EIF3E: variants seen among roughly 807,000 people sequenced by gnomAD.
The protein encoded by EIF3E is eIF-3 p48.
In EIF3E, 25 loss-of-function variants were observed where a neutral mutation model predicts 59.3. That is an observed-to-expected ratio of 0.42 (90% CI 0.31 to 0.59). EIF3E has a LOEUF of 0.59. EIF3E is among the 20% of genes least tolerant of loss of function. EIF3E has a pLI of 0.15. For synonymous variants in EIF3E, 176 were observed against 170.2 expected, an observed-to-expected ratio of 1.03 and a Z score of -0.26; for missense variants, 317 against 534.3, an observed-to-expected ratio of 0.59 and a Z score of 4.01.
intron 7 of EIF3E, 35 bp from the exon 8 acceptor site, chr8:108,217,495 C>G: frequency 6.5e-7 from 1 of 1,534,516 alleles, no homozygotes; most frequent in Non-Finnish European, 8.8e-7. Flanking sequence ...TAATAACTTA[C>G]CCAGGGTGAG....
chr8:108,245,495 ACT>A (rs1389972777), intron 1 of EIF3E, among the ~76,000 whole-genome samples: 2 of 152,042 alleles, frequency 1.3e-5, no homozygotes, highest in African/African-American at 4.8e-5. Context: ...AGGAGTACTC[ACT>A]CTGTCCCAGA....
At chr8:108,205,219 A>G (rs1274064663) in intron 10 of EIF3E, among the ~76,000 whole-genome samples, 1 of 152,122 alleles carries the variant, frequency 6.6e-6, no homozygotes, top group Non-Finnish European at 1.5e-5. Flanking sequence ...TGTTTTACTG[A>G]ATATCTGCTT....
chr8:108,244,967 G>A (rs1472850582), intron 1 of EIF3E, among the ~76,000 whole-genome samples: 2 of 151,608 alleles, frequency 1.3e-5, no homozygotes, highest in African/African-American at 4.9e-5. Flanking sequence ...GCCTTCTACC[G>A]CTCCTCGCCC....
intron 1 of EIF3E, among the ~76,000 whole-genome samples, chr8:108,247,281 T>C (rs1268380365): frequency 6.6e-6 from 1 of 152,206 alleles, no homozygotes; most frequent in Non-Finnish European, 1.5e-5. Context: ...AAAGTTCAGC[T>C]AGTTCAGAAG....
intron 7 of EIF3E, chr8:108,227,657 T>G (rs1333210948): frequency 6.6e-6 from 1 of 152,226 alleles, no homozygotes; most frequent in Non-Finnish European, 1.5e-5. Context: ...TAAAAAATTA[T>G]CTTAAAACAT....
In EIF3E at chr8:108,201,793, T is replaced by G. The variant is rs1308025769; in HGVS notation, c.*92A>C. ...TCTTCAAAATTTATACGTAATATGT[T>G]GTTTCCAAAATGTAAGTCACCCTTT... is the stretch of plus-strand genomic sequence containing the variant. On this transcript the variant is annotated 3_prime_UTR_variant, in exon 13 of 13. Transcript: ENST00000220849. The G allele has an allele frequency of 2.8e-6, 3 of 1,072,282 alleles. No individual in the cohort carries two copies. The highest frequency in any genetic ancestry group is 3.8e-6 in the Non-Finnish European group (3 of 799,208). The allele number at this position is 1,072,282 out of a possible 1,614,324, so 66.4% of individuals were successfully genotyped here.
chr8:108,203,183 A>G, intron 11 of EIF3E, 66 bp from the exon 12 acceptor site: 1 of 1,557,206 alleles, frequency 6.4e-7, no homozygotes. Context: ...GTAAGTAAAA[A>G]GCATGACATA....
At chr8:108,213,875 G>A (rs773182847) in intron 10 of EIF3E, among the ~76,000 whole-genome samples, 10 of 152,276 alleles carry the variant, frequency 6.6e-5, no homozygotes, top group East Asian at 1.9e-4. Flanking sequence ...TTAGGCAAGC[G>A]AAGTATGGAT....
chr8:108,209,653 A>G lies in EIF3E; in HGVS notation c.1061+4954T>C, dbSNP rs956948841. On this transcript the variant is annotated intron_variant, in intron 10 of 12. Coordinates refer to ENST00000220849, the MANE Select transcript of EIF3E (RefSeq NM_001568.3). ...TGTAATGTTTTCTTTGGAGAGCTGT[A>G]CTACTAGTTAGGTTGCTAGTAATTA... Among the ~76,000 whole-genome samples, 9 of 152,216 alleles carry G rather than the reference A, an allele frequency of 5.9e-5. No homozygotes were observed. In the East Asian group the frequency reaches 1.3e-3, roughly 23 times the overall value.
chr8:108,220,686 A>C (rs1200903850), intron 7 of EIF3E, among the ~76,000 whole-genome samples: 1 of 152,204 alleles, frequency 6.6e-6, no homozygotes, highest in Non-Finnish European at 1.5e-5. Flanking sequence ...GGCACTTTCA[A>C]TCTCTCCCCA....
At chr8:108,225,290 G>A (rs928403158) in intron 7 of EIF3E, among the ~76,000 whole-genome samples, 1 of 151,548 alleles carries the variant, frequency 6.6e-6, no homozygotes, top group South Asian at 2.1e-4. Context: ...TGGAAAATTT[G>A]TATCAGCCAC....
intron 8 of EIF3E, 81 bp from the exon 9 acceptor site, chr8:108,216,594 G>T (rs1815310401): frequency 2.1e-6 from 2 of 934,946 alleles, no homozygotes; most frequent in African/African-American, 1.7e-5. Flanking sequence ...CAATCTTCTT[G>T]TTTTCTCCTT....
intron 10 of EIF3E, among the ~76,000 whole-genome samples, chr8:108,208,165 G>T (rs1035999044): frequency 1.3e-5 from 2 of 152,004 alleles, no homozygotes; most frequent in African/African-American, 4.8e-5. Context: ...CAAACACTTG[G>T]AAAAATAAGG....
chr8:108,204,172 C>T (rs754441328), intron 10 of EIF3E, among the ~76,000 whole-genome samples: 1 of 151,894 alleles, frequency 6.6e-6, no homozygotes, highest in Non-Finnish European at 1.5e-5. Flanking sequence ...CAAGGGACAA[C>T]TATATAATGG....
At chr8:108,208,514 A>G (rs1586191361) in intron 10 of EIF3E, among the ~76,000 whole-genome samples, 1 of 152,150 alleles carries the variant, frequency 6.6e-6, no homozygotes, top group Non-Finnish European at 1.5e-5. Context: ...ACTGAAAATT[A>G]TCTCTTTATA....
intron 10 of EIF3E, among the ~76,000 whole-genome samples, chr8:108,209,059 T>A (rs896343390): frequency 5.3e-5 from 8 of 151,642 alleles, no homozygotes; most frequent in Non-Finnish European, 1.2e-4. Flanking sequence ...AGGCATTTAG[T>A]CAGGAAATCT....
At chr8:108,211,193 A>G (rs1815203023) in intron 10 of EIF3E, among the ~76,000 whole-genome samples, 1 of 152,148 alleles carries the variant, frequency 6.6e-6, no homozygotes, top group Non-Finnish European at 1.5e-5. Flanking sequence ...CAATGGTTGA[A>G]CTAGTTTACA....
intron 7 of EIF3E, chr8:108,227,314 A>G (rs1457371772): frequency 1.3e-5 from 2 of 152,208 alleles, no homozygotes; most frequent in African/African-American, 4.8e-5. Context: ...ACACAGCCAG[A>G]CATTATCTAA....
chr8:108,207,346 A>G (rs1476379806), intron 10 of EIF3E, among the ~76,000 whole-genome samples: 4 of 152,190 alleles, frequency 2.6e-5, no homozygotes, highest in African/African-American at 9.7e-5. Flanking sequence ...AGAAATCATC[A>G]AAGTCTACAG....
Sources: gnomAD v4.1 joint callset for allele counts (sites outside exome capture counted in the v4.1 genomes callset) on GRCh38, gnomAD v4.1.1 for gene constraint, MANE v1.5 for transcripts, NCBI Gene and HGNC (gene_info 2026-07-23, HGNC 2026-07-21) for gene names.